CYREN: variants seen among roughly 807,000 people sequenced by gnomAD.
The protein encoded by CYREN is cell cycle regulator of NHEJ.
CYREN carries 7 observed loss-of-function variants against 9.7 expected under a neutral mutation model. The observed-to-expected ratio is 0.72, with a 90% CI of 0.41 to 1.36. The LOEUF (loss-of-function observed/expected upper bound fraction) is 1.36. Among genes scored for constraint, CYREN ranks in the 40% most tolerant of loss-of-function variants. The pLI, the probability that CYREN is intolerant of heterozygous loss-of-function variation, is 0.01. For synonymous variants in CYREN, 76 were observed against 77.9 expected (o/e 0.98, Z 0.13); for missense variants, 215 against 198.1 (o/e 1.09, Z -0.51).
At chr7:135,106,217 A>C (rs549335127) in intron 2 of CYREN, among the ~76,000 whole-genome samples, 2 of 152,032 alleles carry the variant, frequency 1.3e-5, no homozygotes, top group Non-Finnish European at 2.9e-5. Context: ...GATGCTCTTT[A>C]TTTCTTTATC....
intron 2 of CYREN, among the ~76,000 whole-genome samples, chr7:135,102,625 G>GT (rs57957640): frequency 0.49 from 71,531 of 144,962 alleles, 17,774 homozygotes; most frequent in South Asian, 0.65. Flanking sequence ...TTCTCTTGTG[G>GT]TTTTTTTTTT....
upstream of CYREN, among the ~76,000 whole-genome samples, chr7:135,172,455 G>T (rs569980767): frequency 1.1e-5 from 1 of 88,734 alleles, no homozygotes; most frequent in Non-Finnish European, 2.3e-5. Context: ...TGGTGTGAGC[G>T]TGGTATTTTG....
chr7:135,165,784 G>A (rs1304073719), downstream of CYREN: 9 of 166,402 alleles, frequency 5.4e-5, no homozygotes, highest in Non-Finnish European at 1.3e-4. Context: ...CACAACTTAC[G>A]CATTGGGGAA....
rs984730998 is a variant in CYREN, at chr7:135,166,468, G to C, written c.*143C>G. 1 of 1,359,996 alleles carries C rather than the reference G, an allele frequency of 7.4e-7. No individual in the cohort carries two copies. The allele number at this position is 1,359,996 out of a possible 1,614,324, so 84.2% of individuals were successfully genotyped here. A position where few individuals can be genotyped will look rare whatever the true frequency, so the allele number is the denominator to read the frequency against. ...GAGTGTCCAGGGGCTTCTGGCCTGA[G>C]GTGAATCTGCCAGGCCCAAGAAGGC... On this transcript the variant is annotated 3_prime_UTR_variant, in exon 4 of 4. Coordinates refer to ENST00000393114, the MANE Select transcript of CYREN (RefSeq NM_024033.4).
intron 2 of CYREN, among the ~76,000 whole-genome samples, chr7:135,108,431 TC>T (rs1825098247): frequency 6.6e-6 from 1 of 152,208 alleles, no homozygotes; most frequent in Non-Finnish European, 1.5e-5. Flanking sequence ...CATTGGCTTA[TC>T]TAAAATGGAT....
At chr7:135,116,108 A>C (rs1479220840) in intron 2 of CYREN, among the ~76,000 whole-genome samples, 3 of 152,226 alleles carry the variant, frequency 2.0e-5, no homozygotes, top group Admixed American at 2.0e-4. Flanking sequence ...AAAATAATAA[A>C]TACAATACTA....
At chr7:135,119,235 T>A (rs1585222212) in intron 2 of CYREN, among the ~76,000 whole-genome samples, 1 of 146,974 alleles carries the variant, frequency 6.8e-6, no homozygotes, top group African/African-American at 2.5e-5. Flanking sequence ...AAAATTTAAA[T>A]TTTTTTTTTT....
intron 2 of CYREN, among the ~76,000 whole-genome samples, chr7:135,156,128 T>C (rs1829786712): frequency 1.3e-5 from 2 of 152,166 alleles, no homozygotes; most frequent in South Asian, 4.1e-4. Context: ...TCTGATGAGA[T>C]TTGGGATTTC....
intron 2 of CYREN, chr7:135,129,432 G>A: frequency 1.3e-6 from 1 of 786,212 alleles, no homozygotes; most frequent in Non-Finnish European, 2.3e-6. Context: ...GAAGGCACTG[G>A]AAGAGATGGA....
intron 2 of CYREN, chr7:135,128,640 T>C: frequency 1.1e-6 from 1 of 880,782 alleles, no homozygotes; most frequent in Non-Finnish European, 1.9e-6. Flanking sequence ...CCCGTTTGCC[T>C]GGATGCAATT....
chr7:135,166,841 G>C lies in CYREN; in HGVS notation c.244C>G (p.Pro82Ala). 6.2e-7 allele frequency: 1 copy of C among 1,614,050 alleles called. No individual in the cohort carries two copies. The highest frequency in any genetic ancestry group is 1.3e-5 in the African/African-American group (1 of 75,064). ...SRKQEKACEQ[P>A]ALAGADNPEH... is the part of the protein sequence containing the mutation. ...GGGTTATCAGCCCCCGCCAGGGCCG[G>C]CTGCTCGCAGGCCTTTTCCTGTTTG... Residue 82 changes from proline (P) to alanine (A), a missense_variant, in exon 4 of 4, where the codon CCG becomes GCG. By Grantham distance (27) the Pro-to-Ala change is conservative (BLOSUM62 -1). Coordinates refer to ENST00000393114, the MANE Select transcript of CYREN (RefSeq NM_024033.4).
At chr7:135,097,177 G>A (rs1354198994) in intron 2 of CYREN, among the ~76,000 whole-genome samples, 1 of 152,076 alleles carries the variant, frequency 6.6e-6, no homozygotes, top group Non-Finnish European at 1.5e-5. Context: ...ACATTTCCTG[G>A]TTCAAAGGTT....
chr7:135,111,615 A>C (rs1825648663), intron 2 of CYREN, among the ~76,000 whole-genome samples: 1 of 151,854 alleles, frequency 6.6e-6, no homozygotes, highest in Non-Finnish European at 1.5e-5. Context: ...GCTATTGTGA[A>C]ATAGCTCAAT....
chr7:135,096,442 G>C (rs1350309190), intron 2 of CYREN, among the ~76,000 whole-genome samples: 2 of 150,194 alleles, frequency 1.3e-5, no homozygotes, highest in African/African-American at 2.4e-5. Flanking sequence ...AGATATATAT[G>C]GCTATTCTTT....
rs142869898 is a variant in CYREN at position 135,167,403 on chromosome 7, G to A, written c.213+329C>T. 920 of 1,155,782 alleles carry A rather than the reference G, an allele frequency of 8.0e-4. 5 individuals are homozygous for A. In the African/African-American group the frequency reaches 0.013, roughly 17 times the overall value. The allele number at this position is 1,155,782 out of a possible 1,614,324, so 71.6% of individuals were successfully genotyped here. A position where few individuals can be genotyped will look rare whatever the true frequency, so the allele number is the denominator to read the frequency against. On this transcript the variant is annotated intron_variant, in intron 3 of 3. Transcript: ENST00000393114. ...TGGCTAAGAAGTCATCTACCCAACT[G>A]GGAACCTTTCCAAGAACACAAACAG...
chr7:135,121,676 T>C (rs577700483), intron 2 of CYREN, among the ~76,000 whole-genome samples: 2 of 151,966 alleles, frequency 1.3e-5, no homozygotes, highest in Non-Finnish European at 1.5e-5. Flanking sequence ...ATTCGGAGGC[T>C]CCCATTGAAA....
chr7:135,165,112 C>A, downstream of CYREN: 7 of 1,353,792 alleles, frequency 5.2e-6, no homozygotes, highest in Non-Finnish European at 6.9e-6. Context: ...ATGGAACCCA[C>A]TACAGAGGAG....
chr7:135,119,704 C>G (rs13242692), intron 2 of CYREN, among the ~76,000 whole-genome samples: 3 of 151,912 alleles, frequency 2.0e-5, no homozygotes, highest in African/African-American at 7.2e-5. Context: ...GGTGAAACCC[C>G]GTCTCTACTA....
chr7:135,140,278 G>A (rs1023017382), intron 2 of CYREN, among the ~76,000 whole-genome samples: 7 of 151,662 alleles, frequency 4.6e-5, no homozygotes, highest in African/African-American at 1.7e-4. Flanking sequence ...CATCTTTCAC[G>A]TCCCTGGTTA....
Sources: gnomAD v4.1 joint callset for allele counts (sites outside exome capture counted in the v4.1 genomes callset) on GRCh38, gnomAD v4.1.1 for gene constraint, MANE v1.5 for transcripts, NCBI Gene and HGNC (gene_info 2026-07-23, HGNC 2026-07-21) for gene names.